The following LUZP2 variants were observed in gnomAD, a reference collection of about 807,000 sequenced individuals.
LUZP2 encodes the protein leucine zipper protein 2.
LUZP2 carries 52 observed loss-of-function variants against 51.6 expected under a neutral mutation model. The ratio of observed to expected loss-of-function variants is 1.01; its 90% CI spans 0.81 to 1.27. LUZP2 has a LOEUF of 1.27. Among genes scored for constraint, LUZP2 ranks in the 50% most tolerant of loss-of-function variants. The pLI, the probability that LUZP2 is intolerant of heterozygous loss-of-function variation, is 0.00. For missense variants in LUZP2, 436 were observed against 395.4 expected, an observed-to-expected ratio of 1.10 and a Z score of -0.87; for synonymous variants, 154 against 137.3, an observed-to-expected ratio of 1.12 and a Z score of -0.85.
intron 1 of LUZP2, among the ~76,000 whole-genome samples, chr11:24,587,146 T>G (rs1209496047): frequency 1.3e-5 from 2 of 152,136 alleles, no homozygotes; most frequent in African/African-American, 4.8e-5. Context: ...GTAATCCAAT[T>G]AGCATAAACA....
intron 5 of LUZP2, among the ~76,000 whole-genome samples, chr11:24,831,742 A>G (rs1256365500): frequency 1.3e-5 from 2 of 152,194 alleles, no homozygotes; most frequent in Non-Finnish European, 2.9e-5. Flanking sequence ...AAAGCAAAGC[A>G]CACCAGCAGT....
chr11:24,624,680 G>C (rs1490414683), intron 1 of LUZP2, among the ~76,000 whole-genome samples: 1 of 151,928 alleles, frequency 6.6e-6, no homozygotes, highest in Admixed American at 6.6e-5. Flanking sequence ...TTGGACTTTT[G>C]GAATAGGAAA....
chr11:25,058,458 T>G (rs898871119), intron 10 of LUZP2, among the ~76,000 whole-genome samples: 2 of 152,130 alleles, frequency 1.3e-5, no homozygotes, highest in Non-Finnish European at 2.9e-5. Flanking sequence ...CAAAGCATAA[T>G]CTGATAAATA....
At chr11:24,876,730 G>C (rs1438558566) in intron 5 of LUZP2, among the ~76,000 whole-genome samples, 1 of 152,158 alleles carries the variant, frequency 6.6e-6, no homozygotes, top group Non-Finnish European at 1.5e-5. Context: ...CTACCCATGA[G>C]CCTGGAATGT....
At chr11:24,914,592 A>C in intron 7 of LUZP2, 54 bp downstream of exon 7, 1 of 1,155,650 alleles carries the variant, frequency 8.7e-7, no homozygotes, top group East Asian at 2.5e-5. Context: ...TACCTAAAAT[A>C]TCAAAAACAT....
chr11:24,884,284 A>G lies in LUZP2; in HGVS notation c.397-21707A>G, dbSNP rs140129833. On this transcript the variant is annotated intron_variant, in intron 5 of 11. Transcript: ENST00000336930. ...TGTACATTTTGACCATAAACAGATT[A>G]AATAAAGGAAGCTACAAGTCTGTCA... 2.4e-4 allele frequency among the ~76,000 whole-genome samples: 37 copies of G among 152,122 alleles called. No individual in the cohort carries two copies. The East Asian group carries it at 7.0e-3, about 29-fold the overall frequency.
chr11:24,791,499 G>A (rs1849408423), intron 5 of LUZP2, among the ~76,000 whole-genome samples: 2 of 152,062 alleles, frequency 1.3e-5, no homozygotes, highest in South Asian at 4.1e-4. Flanking sequence ...AATATTAAAT[G>A]TTTCAATCCA....
At chr11:24,981,623 C>T (rs549843114) in intron 8 of LUZP2, among the ~76,000 whole-genome samples, 23 of 151,886 alleles carry the variant, frequency 1.5e-4, no homozygotes, top group African/African-American at 5.1e-4. Flanking sequence ...ACGCCCCTGA[C>T]GCTGTTACCT....
chr11:25,011,387 G>T (rs986950239), intron 9 of LUZP2, among the ~76,000 whole-genome samples: 2 of 152,040 alleles, frequency 1.3e-5, no homozygotes, highest in African/African-American at 4.8e-5. Flanking sequence ...ACATTTTTAT[G>T]CTCTTCTCAT....
chr11:24,888,838 G>A (rs571016727), intron 5 of LUZP2, among the ~76,000 whole-genome samples: 5 of 152,162 alleles, frequency 3.3e-5, no homozygotes, highest in African/African-American at 1.2e-4. Context: ...TGATGGTTTT[G>A]TAAGGGGCTC....
intron 8 of LUZP2, among the ~76,000 whole-genome samples, chr11:24,977,298 A>G (rs1855906984): frequency 6.6e-6 from 1 of 151,676 alleles, no homozygotes; most frequent in East Asian, 1.9e-4. Context: ...CCTACAACAT[A>G]TAATGTTCAA....
At chr11:24,536,827 A>G (rs889580251) in intron 1 of LUZP2, among the ~76,000 whole-genome samples, 2 of 151,880 alleles carry the variant, frequency 1.3e-5, no homozygotes, top group East Asian at 1.9e-4. Context: ...GGCTTTTGAC[A>G]TGCCTTTCTT....
At chr11:24,852,464 T>C (rs188818708) in intron 5 of LUZP2, among the ~76,000 whole-genome samples, 2 of 152,348 alleles carry the variant, frequency 1.3e-5, no homozygotes, top group Admixed American at 6.5e-5. Context: ...CACTGTGGTC[T>C]GAGAGACTGT....
intron 1 of LUZP2, among the ~76,000 whole-genome samples, chr11:24,680,236 G>A (rs945571304): frequency 6.6e-6 from 1 of 152,232 alleles, no homozygotes; most frequent in Non-Finnish European, 1.5e-5. Context: ...TGGCAGAAAA[G>A]GAGCAAGGCT....
intron 5 of LUZP2, among the ~76,000 whole-genome samples, chr11:24,813,824 G>A (rs1227806826): frequency 6.6e-6 from 1 of 152,170 alleles, no homozygotes; most frequent in Non-Finnish European, 1.5e-5. Context: ...TTCTTCACCT[G>A]GGAGGCAGGA....
intron 4 of LUZP2, among the ~76,000 whole-genome samples, chr11:24,751,873 G>A (rs1167882411): frequency 6.6e-6 from 1 of 151,918 alleles, no homozygotes; most frequent in African/African-American, 2.4e-5. Context: ...TACCCAAGGA[G>A]TTAACCTATA....
chr11:24,975,073 G>A (rs1162408533), intron 7 of LUZP2, among the ~76,000 whole-genome samples: 1 of 151,910 alleles, frequency 6.6e-6, no homozygotes, highest in African/African-American at 2.4e-5. Context: ...ATATTAATAT[G>A]TTGATTAATA....
intron 4 of LUZP2, among the ~76,000 whole-genome samples, chr11:24,750,827 C>CA (rs1158968413): frequency 6.6e-6 from 1 of 152,098 alleles, no homozygotes; most frequent in Non-Finnish European, 1.5e-5. Context: ...CATATACTGT[C>CA]AACCAAGAAA....
intron 1 of LUZP2, among the ~76,000 whole-genome samples, chr11:24,667,404 C>T (rs1856252360): frequency 6.6e-6 from 1 of 152,044 alleles, no homozygotes. Flanking sequence ...TCAGGCTGGT[C>T]TCGAACTCCT....
Sources: gnomAD v4.1 joint callset for allele counts (sites outside exome capture counted in the v4.1 genomes callset) on GRCh38, gnomAD v4.1.1 for gene constraint, MANE v1.5 for transcripts, NCBI Gene and HGNC (gene_info 2026-07-23, HGNC 2026-07-21) for gene names.